The following FLG variants were observed in gnomAD, a reference collection of about 807,000 sequenced individuals.
FLG encodes the protein filaggrin, also known as epidermal filaggrin.
FLG carries 6 observed loss-of-function variants against 3.8 expected under a neutral mutation model. That is an observed-to-expected ratio of 1.60 (90% CI 0.87 to 3.15). FLG has a LOEUF of 3.15. Ranked by LOEUF, FLG falls within the 30% of genes most tolerant of loss-of-function variation. The pLI, the probability that FLG is intolerant of heterozygous loss-of-function variation, is 0.00. For synonymous variants in FLG, 2,551 were observed against 1,931.6 expected, an observed-to-expected ratio of 1.32 and a Z score of -8.41; for missense variants, 7,595 against 5,050.9, an observed-to-expected ratio of 1.50 and a Z score of -15.27.
rs1294031642 is a variant in FLG at position 152,312,399 on chromosome 1, G to A, written c.2487C>T (p.Ser829=). The A allele has an allele frequency of 6.2e-7, 1 of 1,613,360 alleles. No homozygotes were observed. The highest frequency in any genetic ancestry group is 1.7e-5 in the Admixed American group (1 of 59,912). Residue 829 remains serine (S), a synonymous_variant, in exon 3 of 3, where the codon TCC becomes TCT. Coordinates refer to ENST00000368799, the MANE Select transcript of FLG (RefSeq NM_002016.2). ...GSHHEQARDN[S]RHSASQDGQD... ...GACCATCTTGGGATGCTGAGTGCCT[G>A]GAGTTGTCTCGTGCCTGCTCATGGT...
chr1:152,303,186 T>C lies in FLG; in HGVS notation c.11700A>G (p.Arg3900=), dbSNP rs1651709147. ...TATCGCGGTGAGAGGATCCGGGGTG[T>C]CTGGAGCCATCTCTTGACTGCTCCC... ...SSREQSRDGS[R]HPGSSHRDTA... Residue 3900 remains arginine (R), a synonymous_variant, in exon 3 of 3, where the codon AGA becomes AGG. Coordinates refer to ENST00000368799, the MANE Select transcript of FLG (RefSeq NM_002016.2). 3 of 1,613,948 alleles carry C rather than the reference T, an allele frequency of 1.9e-6. No individual in the cohort carries two copies. The highest frequency in any genetic ancestry group is 1.7e-5 in the Admixed American group (1 of 59,992).
chr1:152,323,739 G>A (rs921686947), intron 1 of FLG, among the ~76,000 whole-genome samples: 5 of 150,904 alleles, frequency 3.3e-5, no homozygotes, highest in African/African-American at 9.7e-5. Context: ...TTGGAAAATT[G>A]TTTGACAGTA....
rs149432670 is a variant in FLG, at chr1:152,304,772, C to T, written c.10114G>A (p.Ala3372Thr). The change falls in exon 3 of 3, where the codon GCA (alanine) becomes ACA (threonine). Residue 3372 changes from alanine (A) to threonine (T), a missense_variant. Ala to Thr is a moderately conservative substitution (Grantham distance 58). Transcript: ENST00000368799. The part of the protein sequence containing the change: ...GPHQQSHQES[A>T]RDRSGGRSGR... Reference sequence around the variant, plus strand: ...GACCTTCCCCCTGACCGGTCACGTGCGGACTCTTGGTGGCTCTGCTGATGG... The same window carrying T: ...GACCTTCCCCCTGACCGGTCACGTGTGGACTCTTGGTGGCTCTGCTGATGG... 1,364 of 1,613,240 alleles carry T rather than the reference C, an allele frequency of 8.5e-4. 2 individuals carry two copies. Among genetic ancestry groups the T allele is most frequent in the Admixed American group, 1.2e-3 (73 of 59,990 alleles).
Position 152,309,312 on chromosome 1 carries a change from C to G in FLG, c.5574G>C (p.Gln1858His), listed in dbSNP as rs1403485339. 11 of 1,613,902 alleles carry G rather than the reference C, an allele frequency of 6.8e-6. No individual in the cohort carries two copies. Among genetic ancestry groups the G allele is most frequent in the Admixed American group, 1.7e-5 (1 of 60,004 alleles). The change falls in exon 3 of 3, where the codon CAG (glutamine) becomes CAC (histidine). Residue 1858 changes from glutamine to histidine, a missense_variant. Physicochemically the swap from Gln to His is conservative, Grantham distance 24. Transcript: ENST00000368799. ...SQERSDVSRG[Q>H]SGSRSVSRQT... is the part of the protein sequence containing the mutation. Reference sequence around the variant, plus strand: ...GTCTGCTGACACTTCTGGATCCTGACTGCCCACGGGAGACATCAGACCTTT... The same window carrying G: ...GTCTGCTGACACTTCTGGATCCTGAGTGCCCACGGGAGACATCAGACCTTT...
chr1:152,317,593 C>T (rs1652829720), intron 1 of FLG, among the ~76,000 whole-genome samples: 1 of 151,988 alleles, frequency 6.6e-6, no homozygotes, highest in Non-Finnish European at 1.5e-5. Context: ...TCGTTCAGCT[C>T]CTAATGTTGC....
rs1651892104 is a variant in FLG, at chr1:152,305,460, G to A, written c.9426C>T (p.His3142=). 3.1e-6 allele frequency: 5 copies of A among 1,591,438 alleles called. No homozygotes were observed. Among genetic ancestry groups the A allele is most frequent in the East Asian group, 4.6e-5 (2 of 43,238 alleles). ...SSGHSGSHHS[H]TTSQGRSDAS... Reference sequence around the variant, plus strand: ...CATCAGACCTTCCCTGGGATGTGGTGTGGCTGTGATGGGACCCTGAGTGTC... The same window carrying A: ...CATCAGACCTTCCCTGGGATGTGGTATGGCTGTGATGGGACCCTGAGTGTC... The change falls in exon 3 of 3, where the codon CAC becomes CAT. Residue 3142 remains histidine (H), a synonymous_variant. Coordinates refer to ENST00000368799, the MANE Select transcript of FLG (RefSeq NM_002016.2).
At position 152,313,331 on chromosome 1, in the gene FLG, G is replaced by T. The variant is rs12036682; in HGVS notation, c.1555C>A (p.His519Asn). The T allele has an allele frequency of 4.9e-3, 7,840 of 1,613,592 alleles. 435 individuals carry two copies. The East Asian group carries it at 0.13, about 28-fold the overall frequency. Reference protein sequence around the residue: ...SQEGQDTIRGHPGSSRGGRQG... With the variant: ...SQEGQDTIRGNPGSSRGGRQG... ...CTTCCTCCTCTGCTTGACCCCGGGT[G>T]TCCACGAATGGTGTCCTGACCCTCT... The change falls in exon 3 of 3, where the codon CAC (histidine) becomes AAC (asparagine). Residue 519 changes from histidine (H) to asparagine (N), a missense_variant. Transcript: ENST00000368799.
At position 152,308,500 on chromosome 1, in the gene FLG, G is replaced by C. The variant is rs762020950; in HGVS notation, c.6386C>G (p.Ser2129Ter). ...GGTGTCCTGACCCTCTTGGGATGCTGAGTGCCTGGAGCTGTCTTGTGCCTG... is the reference window on the plus strand; with the variant it reads ...GGTGTCCTGACCCTCTTGGGATGCTCAGTGCCTGGAGCTGTCTTGTGCCTG... Reference protein sequence around the residue: ...YDQAQDSSRHSASQEGQDTIR... With the variant: ...YDQAQDSSRH The change falls in exon 3 of 3, where the codon TCA (serine) becomes TGA (stop). Residue 2129 changes from serine to a stop codon, truncating the protein, a stop_gained. Transcript: ENST00000368799. LOFTEE classifies it low-confidence loss of function (END_TRUNC). 6.2e-6 allele frequency: 10 copies of C among 1,613,690 alleles called. No homozygotes were observed. The South Asian group carries it at 1.1e-4, about 18-fold the overall frequency.
chr1:152,314,170 A>T lies in FLG; in HGVS notation c.716T>A (p.Ile239Asn). 1 of 1,614,004 alleles carries T rather than the reference A, an allele frequency of 6.2e-7. No individual in the cohort carries two copies. The highest frequency in any genetic ancestry group is 1.1e-5 in the South Asian group (1 of 91,082). Residue 239 changes from isoleucine (I) to asparagine (N), a missense_variant, in exon 3 of 3, where the codon ATC (isoleucine) becomes AAC (asparagine). Physicochemically the swap from Ile to Asn is moderately radical, Grantham distance 149. Transcript: ENST00000368799. ...QSGHIATYYT[I>N]QDEAYDTTDS... ...AGTGGTGTCATAGGCTTCATCCTGG[A>T]TTGTGTAATATGTGGCAATATGGCC...
rs1651739797 is a variant in FLG, at chr1:152,303,649, G to T, written c.11237C>A (p.Ser3746Tyr). 1 of 1,613,872 alleles carries T rather than the reference G, an allele frequency of 6.2e-7. No individual in the cohort carries two copies. Residue 3746 changes from serine (S) to tyrosine (Y), a missense_variant, in exon 3 of 3, where the codon TCC becomes TAC. Coordinates refer to ENST00000368799, the MANE Select transcript of FLG (RefSeq NM_002016.2). ...GSRHEQARDS[S>Y]RHSASQEGQD... ...ACCCTCTTGGGACGCTGAGTGCCTGGAGCTGTCTCGTGCCTGCTCGTGGCG... is the reference window on the plus strand; with the variant it reads ...ACCCTCTTGGGACGCTGAGTGCCTGTAGCTGTCTCGTGCCTGCTCGTGGCG...
At position 152,313,832 on chromosome 1, in the gene FLG, T is replaced by A. The variant is rs1652638138; in HGVS notation, c.1054A>T (p.Ser352Cys). ...TGACGAGTGCCTGATTGTCTGGAGCTGTCTGCAGAGTGCCCATGACTGGCT... is the reference window on the plus strand; with the variant it reads ...TGACGAGTGCCTGATTGTCTGGAGCAGTCTGCAGAGTGCCCATGACTGGCT... ...DRASHGHSADSSRQSGTRHAE... is the reference protein window; with the variant it reads ...DRASHGHSADCSRQSGTRHAE... Residue 352 changes from serine (S) to cysteine (C), a missense_variant, in exon 3 of 3, where the codon AGC (serine) becomes TGC (cysteine). Transcript: ENST00000368799. 1.2e-6 allele frequency: 2 copies of A among 1,614,046 alleles called. No homozygotes were observed. The highest frequency in any genetic ancestry group is 1.7e-6 in the Non-Finnish European group (2 of 1,180,016).
chr1:152,313,310 C>A lies in FLG; in HGVS notation c.1576G>T (p.Gly526Ter), dbSNP rs548412745. The A allele has an allele frequency of 3.7e-6, 6 of 1,613,770 alleles. No individual in the cohort carries two copies. In the East Asian group the frequency reaches 1.3e-4, roughly 36 times the overall value. ...IRGHPGSSRG[G>*]RQGSHHEQSV... ...TGCTCGTGGTGGGATCCCTGCCTTC[C>A]TCCTCTGCTTGACCCCGGGTGTCCA... Residue 526 changes from glycine (G) to a stop codon, truncating the protein, a stop_gained, in exon 3 of 3, where the codon GGA becomes TGA. Transcript: ENST00000368799. LOFTEE classifies it low-confidence loss of function (END_TRUNC).
At position 152,302,834 on chromosome 1, in the gene FLG, T is replaced by G. The variant is rs761932378; in HGVS notation, c.12052A>C (p.Ser4018Arg). Residue 4018 changes from serine to arginine, a missense_variant, in exon 3 of 3, where the codon AGT becomes CGT. Physicochemically the swap from Ser to Arg is moderately radical, Grantham distance 110. Coordinates refer to ENST00000368799, the MANE Select transcript of FLG (RefSeq NM_002016.2). ...CTTGGATGATCTTTACCAAACGCAC[T>G]TGCTTTACAGATATCAGATCTTTCC... ...FKERSDICKA[S>R]AFGKDHPRYY... The G allele has an allele frequency of 6.2e-7, 1 of 1,614,236 alleles. No homozygotes were observed. Among genetic ancestry groups the G allele is most frequent in the Non-Finnish European group, 8.5e-7 (1 of 1,180,034 alleles).
rs768978783 is a variant in FLG, at chr1:152,307,943, C to A, written c.6943G>T (p.Ala2315Ser). The A allele has an allele frequency of 6.2e-7, 1 of 1,614,082 alleles. No individual in the cohort carries two copies. Among genetic ancestry groups the A allele is most frequent in the Non-Finnish European group, 8.5e-7 (1 of 1,180,024 alleles). Residue 2315 changes from alanine (A) to serine (S), a missense_variant, in exon 3 of 3, where the codon GCT (alanine) becomes TCT (serine). By Grantham distance (99) the Ala-to-Ser change is moderately conservative (BLOSUM62 1). Transcript: ENST00000368799. ...HHAENSSGGQ[A>S]ASSHEQARSS... ...CTTGCCTGTTCATGGGATGATGCAG[C>A]CTGTCCACCAGAGGAATTCTCTGCA...
chr1:152,313,813 G>A lies in FLG; in HGVS notation c.1073C>T (p.Thr358Ile), dbSNP rs779800049. Residue 358 changes from threonine (T) to isoleucine (I), a missense_variant, in exon 3 of 3, where the codon ACT becomes ATT. Thr to Ile is a moderately conservative substitution (Grantham distance 89). Coordinates refer to ENST00000368799, the MANE Select transcript of FLG (RefSeq NM_002016.2). ...ACGAGAGGAAGTCTCTGCGTGACGA[G>A]TGCCTGATTGTCTGGAGCTGTCTGC... ...HSADSSRQSG[T>I]RHAETSSRGQ... The A allele has an allele frequency of 1.5e-5, 25 of 1,614,048 alleles. No individual in the cohort carries two copies. The African/African-American group carries it at 3.1e-4, about 20-fold the overall frequency.
Position 152,312,887 on chromosome 1 carries a change from T to C in FLG, c.1999A>G (p.Arg667Gly), listed in dbSNP as rs1211526217. Residue 667 changes from arginine (R) to glycine (G), a missense_variant, in exon 3 of 3, where the codon AGA (arginine) becomes GGA (glycine). Coordinates refer to ENST00000368799, the MANE Select transcript of FLG (RefSeq NM_002016.2). ...SRHPRSHHED[R>G]AGHGHSADSS... ...TCTGCAGAGTGCCCATGACCAGCTCTGTCTTCGTGATGGGACCTGGGGTGT... is the reference window on the plus strand; with the variant it reads ...TCTGCAGAGTGCCCATGACCAGCTCCGTCTTCGTGATGGGACCTGGGGTGT... The C allele has an allele frequency of 6.2e-7, 1 of 1,613,964 alleles. No homozygotes were observed. Among genetic ancestry groups the C allele is most frequent in the Admixed American group, 1.7e-5 (1 of 60,006 alleles).
chr1:152,309,009 G>A lies in FLG; in HGVS notation c.5877C>T (p.Ser1959=). 2 of 1,614,126 alleles carry A rather than the reference G, an allele frequency of 1.2e-6. No homozygotes were observed. Among genetic ancestry groups the A allele is most frequent in the Admixed American group, 1.7e-5 (1 of 60,028 alleles). The change falls in exon 3 of 3, where the codon TCC becomes TCT. Residue 1959 remains serine, a synonymous_variant. Transcript: ENST00000368799. ...CGTGACCGGCTCTGTCTTCGTGATG[G>A]GACCCAGGGTGTCTGGAGCCATCTC... ...QSRDGSRHPG[S]HHEDRAGHGH...
Position 152,313,352 on chromosome 1 carries a change from C to T in FLG, c.1534G>A (p.Gly512Ser), listed in dbSNP as rs778678706. Reference sequence around the variant, plus strand: ...GGGTGTCCACGAATGGTGTCCTGACCCTCTTGGGACGCTGAATGCCTGGAG... The same window carrying T: ...GGGTGTCCACGAATGGTGTCCTGACTCTCTTGGGACGCTGAATGCCTGGAG... ...DSSRHSASQE[G>S]QDTIRGHPGS... Residue 512 changes from glycine to serine, a missense_variant, in exon 3 of 3, where the codon GGT becomes AGT. Coordinates refer to ENST00000368799, the MANE Select transcript of FLG (RefSeq NM_002016.2). The T allele has an allele frequency of 1.9e-6, 3 of 1,612,984 alleles. No individual in the cohort carries two copies. Among genetic ancestry groups the T allele is most frequent in the African/African-American group, 1.3e-5 (1 of 74,512 alleles).
In FLG at chr1:152,310,416, A is replaced by G; in HGVS notation, c.4470T>C (p.Arg1490=). The G allele has an allele frequency of 6.2e-7, 1 of 1,613,180 alleles. No individual in the cohort carries two copies. The highest frequency in any genetic ancestry group is 2.2e-5 in the East Asian group (1 of 44,778). Residue 1490 remains arginine, a synonymous_variant, in exon 3 of 3, where the codon CGT becomes CGC. Coordinates refer to ENST00000368799, the MANE Select transcript of FLG (RefSeq NM_002016.2). Reference sequence around the variant, plus strand: ...CTCCTCTGCTTGACCCCGGGTGTCCACGAATGGTGTCCTGACCGTCTTGGG... The same window carrying G: ...CTCCTCTGCTTGACCCCGGGTGTCCGCGAATGGTGTCCTGACCGTCTTGGG... The part of the protein sequence containing the change: ...SASQDGQDTI[R]GHPGSSRGGR...
Sources: gnomAD v4.1 joint callset for allele counts (sites outside exome capture counted in the v4.1 genomes callset) on GRCh38, gnomAD v4.1.1 for gene constraint, MANE v1.5 for transcripts, NCBI Gene and HGNC (gene_info 2026-07-23, HGNC 2026-07-21) for gene names.